Variants in DLGAP1 observed in about 807,000 individuals in gnomAD.
The protein encoded by DLGAP1 is DLG associated protein 1.
A neutral mutation model predicts 90.8 loss-of-function variants in DLGAP1; 11 were observed. The ratio of observed to expected loss-of-function variants is 0.12; its 90% confidence interval spans 0.08 to 0.20. The LOEUF is 0.20. Among genes scored for constraint, DLGAP1 ranks in the 10% least tolerant of loss-of-function variants. The pLI, the probability that DLGAP1 is intolerant of heterozygous loss-of-function variation, is 1.00. For synonymous variants in DLGAP1, 558 were observed against 540.7 expected, an observed-to-expected ratio of 1.03 and a Z score of -0.44; for missense variants, 1,050 against 1,333.8, an observed-to-expected ratio of 0.79 and a Z score of 3.31.
In DLGAP1 at chr18:4,200,421, T is replaced by C. The variant is rs142312878; in HGVS notation, c.-266-49134A>G. Among the ~76,000 whole-genome samples the C allele has an allele frequency of 2.4e-3, 368 of 151,850 alleles. 1 individual carries two copies. The highest frequency in any genetic ancestry group is 8.5e-3 in the African/African-American group (355 of 41,548). The stretch of plus-strand genomic sequence containing the variant: ...TAAAAGAATGTTCACAAAATTACAA[T>C]TGCTTATTTATAATATTCTACCTTG... On this transcript the variant is annotated intron_variant, in intron 1 of 12. Transcript: ENST00000315677.
chr18:4,250,917 C>A (rs1249432682), intron 1 of DLGAP1, among the ~76,000 whole-genome samples: 1 of 150,794 alleles, frequency 6.6e-6, no homozygotes, highest in Non-Finnish European at 1.5e-5. Flanking sequence ...CTACTATATT[C>A]AATTAAAAAA....
chr18:4,040,283 A>G (rs2074955256), intron 2 of DLGAP1, among the ~76,000 whole-genome samples: 1 of 152,246 alleles, frequency 6.6e-6, no homozygotes, highest in Non-Finnish European at 1.5e-5. Flanking sequence ...ATAAGTTAAT[A>G]TATGTAAACA....
At chr18:3,671,649 G>A (rs1211230990) in intron 7 of DLGAP1, among the ~76,000 whole-genome samples, 1 of 152,158 alleles carries the variant, frequency 6.6e-6, no homozygotes, top group African/African-American at 2.4e-5. Flanking sequence ...TTTTGCATTT[G>A]TATTCCTTAA....
intron 5 of DLGAP1, among the ~76,000 whole-genome samples, chr18:3,779,785 CTTTCT>C (rs2065105585): frequency 7.2e-6 from 1 of 138,954 alleles, no homozygotes; most frequent in African/African-American, 2.7e-5. Flanking sequence ...TTTACTCTTT[CTTTCT>C]TTTCTTTTTT....
At chr18:3,906,021 ACCAAT>A (rs1430596285) in intron 3 of DLGAP1, among the ~76,000 whole-genome samples, 1 of 152,226 alleles carries the variant, frequency 6.6e-6, no homozygotes, top group African/African-American at 2.4e-5. Context: ...GGAATTGCAG[ACCAAT>A]CCCAAGTCCC....
chr18:3,986,359 A>G (rs1733822115), intron 3 of DLGAP1: 1 of 152,148 alleles, frequency 6.6e-6, no homozygotes, highest in Non-Finnish European at 1.5e-5. Flanking sequence ...ACTTATTTTG[A>G]ACGATAAATA....
intron 5 of DLGAP1, among the ~76,000 whole-genome samples, chr18:3,750,306 A>G (rs904802626): frequency 6.6e-6 from 1 of 152,138 alleles, no homozygotes; most frequent in African/African-American, 2.4e-5. Context: ...ACATGATTTC[A>G]TTGTTATGGC....
chr18:3,651,801 T>C (rs2146455108), intron 7 of DLGAP1, among the ~76,000 whole-genome samples: 2 of 152,178 alleles, frequency 1.3e-5, no homozygotes, highest in South Asian at 2.1e-4. Context: ...GGTGAAACCC[T>C]GTCTCTACTA....
At chr18:3,532,042 A>G (rs928492008) in intron 10 of DLGAP1, among the ~76,000 whole-genome samples, 1 of 151,846 alleles carries the variant, frequency 6.6e-6, no homozygotes, top group Non-Finnish European at 1.5e-5. Context: ...TTTAATAGAA[A>G]TGGTGTTTCA....
intron 4 of DLGAP1, among the ~76,000 whole-genome samples, chr18:3,829,764 T>G (rs897002206): frequency 6.6e-6 from 1 of 152,150 alleles, no homozygotes; most frequent in Non-Finnish European, 1.5e-5. Flanking sequence ...TTACATAAAG[T>G]CTACTGATTA....
chr18:4,322,130 G>A (rs1367897253), intron 1 of DLGAP1, among the ~76,000 whole-genome samples: 2 of 152,054 alleles, frequency 1.3e-5, no homozygotes, highest in Non-Finnish European at 2.9e-5. Context: ...AACCCGGGAG[G>A]CTGAGGTTGC....
chr18:4,030,154 G>A (rs1437217177), intron 2 of DLGAP1, among the ~76,000 whole-genome samples: 3 of 152,074 alleles, frequency 2.0e-5, no homozygotes, highest in Non-Finnish European at 4.4e-5. Flanking sequence ...AACCATGCCT[G>A]GTTAATTTTT....
intron 3 of DLGAP1, among the ~76,000 whole-genome samples, chr18:3,968,247 T>G (rs920586107): frequency 6.6e-6 from 1 of 152,202 alleles, no homozygotes; most frequent in Non-Finnish European, 1.5e-5. Context: ...CCTTTAATAT[T>G]TAAATATGCT....
chr18:3,600,969 G>GATAGATATATAGATAT (rs71366693), intron 7 of DLGAP1, among the ~76,000 whole-genome samples: 15 of 87,504 alleles, frequency 1.7e-4, no homozygotes, highest in African/African-American at 6.3e-4. Flanking sequence ...TAGATATATA[G>GATAGATATATAGATAT]ATAGATATAT....
chr18:4,295,522 G>A (rs1451326545), intron 1 of DLGAP1: 1 of 152,122 alleles, frequency 6.6e-6, no homozygotes, highest in East Asian at 1.9e-4. Context: ...TTAACCAAAA[G>A]TTTAATTTTT....
intron 1 of DLGAP1, among the ~76,000 whole-genome samples, chr18:4,350,451 A>G (rs769193816): frequency 6.6e-6 from 1 of 152,166 alleles, no homozygotes; most frequent in Non-Finnish European, 1.5e-5. Flanking sequence ...ATTTTCCTCA[A>G]CACTAAAAGT....
chr18:3,979,060 G>T (rs2073664927), intron 3 of DLGAP1, among the ~76,000 whole-genome samples: 1 of 152,162 alleles, frequency 6.6e-6, no homozygotes, highest in Non-Finnish European at 1.5e-5. Context: ...GCCATAAAAA[G>T]AAGAAAATGC....
intron 1 of DLGAP1, among the ~76,000 whole-genome samples, chr18:4,194,607 G>C (rs911078799): frequency 4.0e-5 from 6 of 151,632 alleles, no homozygotes; most frequent in African/African-American, 1.5e-4. Flanking sequence ...ATATTTCCTA[G>C]ACTTATAAAT....
intron 1 of DLGAP1, among the ~76,000 whole-genome samples, chr18:4,357,170 T>TTTTTTG (rs1555605566): frequency 0.011 from 1,655 of 145,012 alleles, 44 homozygotes; most frequent in African/African-American, 0.04. Flanking sequence ...TTTTTTTTTT[T>TTTTTTG]TTTTTGACAG....
Sources: gnomAD v4.1 joint callset for allele counts (sites outside exome capture counted in the v4.1 genomes callset) on GRCh38, gnomAD v4.1.1 for gene constraint, MANE v1.5 for transcripts, NCBI Gene and HGNC (gene_info 2026-07-23, HGNC 2026-07-21) for gene names.